The following KATNAL2 variants were observed in gnomAD, a reference collection of about 807,000 sequenced individuals.
KATNAL2 encodes the protein katanin catalytic subunit A1 like 2.
Under a neutral mutation model 76.3 loss-of-function variants are expected in KATNAL2, and 52 were observed. The observed-to-expected ratio is 0.68, with a 90% CI of 0.55 to 0.86. KATNAL2 has a LOEUF of 0.86. Ranked by LOEUF, KATNAL2 falls within the 40% of genes least tolerant of loss-of-function variation. The pLI, the probability that KATNAL2 is intolerant of heterozygous loss-of-function variation, is 0.00. For missense variants in KATNAL2, 660 were observed against 668.9 expected (o/e 0.99, Z 0.15); for synonymous variants, 243 against 244.2 (o/e 1.00, Z 0.05).
intron 3 of KATNAL2, among the ~76,000 whole-genome samples, chr18:47,031,844 C>G (rs1182848019): frequency 2.6e-5 from 4 of 152,112 alleles, no homozygotes; most frequent in Admixed American, 2.0e-4. Context: ...GCTTTCTTGT[C>G]TTCCTGAAAT....
intron 1 of KATNAL2, among the ~76,000 whole-genome samples, chr18:46,919,110 G>C (rs1035106861): frequency 1.3e-5 from 2 of 150,600 alleles, no homozygotes; most frequent in African/African-American, 4.9e-5. Context: ...CAGCACTTTA[G>C]GAAGCCGAGG....
chr18:46,942,651 T>G (rs981484111), intron 1 of KATNAL2, among the ~76,000 whole-genome samples: 6 of 152,116 alleles, frequency 3.9e-5, no homozygotes, highest in African/African-American at 1.4e-4. Flanking sequence ...TTCATTTTGT[T>G]CTATTATAAT....
At chr18:47,043,774 C>T (rs1426713650) in intron 3 of KATNAL2, among the ~76,000 whole-genome samples, 3 of 150,404 alleles carry the variant, frequency 2.0e-5, no homozygotes, top group African/African-American at 4.9e-5. Context: ...ATTAACAATA[C>T]GTATGTTGAA....
chr18:47,033,870 G>A (rs1375431199), intron 3 of KATNAL2: 1 of 1,613,860 alleles, frequency 6.2e-7, no homozygotes, highest in African/African-American at 1.3e-5. Context: ...AGGCCTCTGA[G>A]AGGTCCCAGA....
In KATNAL2 at chr18:46,930,200, T is replaced by C. The variant is rs556563142; in HGVS notation, c.-510+12274T>C. Among the ~76,000 whole-genome samples the C allele has an allele frequency of 2.6e-5, 4 of 152,354 alleles. No individual in the cohort carries two copies. In the South Asian group the frequency reaches 8.3e-4, roughly 32 times the overall value. On this transcript the variant is annotated intron_variant, in intron 1 of 17. Coordinates refer to ENST00000683218, the MANE Select transcript of KATNAL2 (RefSeq NM_001387690.1). ...AACATTTTCCTTAACCTTGAAATTA[T>C]TTGATAATATTGAATATCAGCCCTT...
At position 47,050,612 on chromosome 18, in the gene KATNAL2, A is replaced by G. The variant is rs141768152; in HGVS notation, c.123-2268A>G. ...TGTATCGTGAATCAATGAAAGTTCT[A>G]CTAGAACTGATCATTTTCCGAAACC... On this transcript the variant is annotated intron_variant, in intron 4 of 17. Coordinates refer to ENST00000683218, the MANE Select transcript of KATNAL2 (RefSeq NM_001387690.1). 1.8e-4 allele frequency among the ~76,000 whole-genome samples: 27 copies of G among 152,350 alleles called. No individual in the cohort carries two copies. The East Asian group carries it at 4.8e-3, about 27-fold the overall frequency.
rs1441011052 is a variant in KATNAL2, at chr18:46,922,969, G to C, written c.-510+5043G>C. 2.7e-5 allele frequency among the ~76,000 whole-genome samples: 4 copies of C among 146,606 alleles called. No individual in the cohort carries two copies. The East Asian group carries it at 5.9e-4, about 21-fold the overall frequency. ...ATAATATAGTTAAATCCTTAGATCT[G>C]AAGTAAACACTTCAGTCCATATAGA... On this transcript the variant is annotated intron_variant, in intron 1 of 17. Coordinates refer to ENST00000683218, the MANE Select transcript of KATNAL2 (RefSeq NM_001387690.1).
intron 3 of KATNAL2, among the ~76,000 whole-genome samples, chr18:47,043,002 C>A (rs750676930): frequency 1.3e-5 from 2 of 152,086 alleles, no homozygotes; most frequent in East Asian, 1.9e-4. Flanking sequence ...CCAAGGCGGG[C>A]GGATCACGAG....
chr18:47,056,133 G>A (rs1396167694), intron 6 of KATNAL2, among the ~76,000 whole-genome samples: 1 of 152,164 alleles, frequency 6.6e-6, no homozygotes, highest in Non-Finnish European at 1.5e-5. Context: ...TAATGTGATG[G>A]ATGACAGAAA....
intron 3 of KATNAL2, among the ~76,000 whole-genome samples, chr18:46,958,708 T>G (rs965299559): frequency 1.3e-5 from 2 of 152,238 alleles, no homozygotes; most frequent in African/African-American, 4.8e-5. Context: ...TTTCTTAACC[T>G]GAATGTAAGA....
intron 3 of KATNAL2, among the ~76,000 whole-genome samples, chr18:46,953,141 G>A (rs925405861): frequency 7.9e-5 from 12 of 151,886 alleles, no homozygotes; most frequent in Non-Finnish European, 1.3e-4. Flanking sequence ...TCATCTGCCC[G>A]CCTCAGCTTC....
At chr18:47,060,927 T>G (rs1375712904) in intron 8 of KATNAL2, among the ~76,000 whole-genome samples, 1 of 152,252 alleles carries the variant, frequency 6.6e-6, no homozygotes, top group Non-Finnish European at 1.5e-5. Flanking sequence ...TAAGTTTCTC[T>G]TGTGAATGCC....
At chr18:46,918,700 G>A (rs1200626994) in intron 1 of KATNAL2, among the ~76,000 whole-genome samples, 1 of 152,078 alleles carries the variant, frequency 6.6e-6, no homozygotes, top group East Asian at 1.9e-4. Context: ...GAGATTACAG[G>A]CGTGAGCCAC....
At chr18:47,034,098 G>A (rs766776711) in intron 3 of KATNAL2, 7 of 1,614,080 alleles carry the variant, frequency 4.3e-6, no homozygotes, top group Non-Finnish European at 5.9e-6. Flanking sequence ...GCAACTGATC[G>A]TAGGTGAGGT....
intron 1 of KATNAL2, among the ~76,000 whole-genome samples, chr18:46,935,197 AG>A (rs372998937): frequency 9.2e-5 from 14 of 152,322 alleles, no homozygotes; most frequent in African/African-American, 3.4e-4. Flanking sequence ...AATAGGTTTA[AG>A]AACCCAGTGT....
Position 47,101,276 on chromosome 18 carries a change from A to T in KATNAL2, c.*271A>T, listed in dbSNP as rs1176101151. ...GATTTTTCTGACAATTAGACTCCATAAAATTTTAATGAACAATTTTCTGTA... is the reference window on the plus strand; with the variant it reads ...GATTTTTCTGACAATTAGACTCCATTAAATTTTAATGAACAATTTTCTGTA... On this transcript the variant is annotated 3_prime_UTR_variant, in exon 18 of 18. Coordinates refer to ENST00000683218, the MANE Select transcript of KATNAL2 (RefSeq NM_001387690.1). 6.4e-6 allele frequency: 2 copies of T among 310,668 alleles called. No individual in the cohort carries two copies. The highest frequency in any genetic ancestry group is 8.5e-5 in the Admixed American group (2 of 23,498). 19.2% of individuals were successfully genotyped at this position (310,668 alleles called of 1,614,324 possible). A position where few individuals can be genotyped will look rare whatever the true frequency, so the allele number is the denominator to read the frequency against.
chr18:47,066,847 T>TGTATATATATA (rs2061812332), intron 10 of KATNAL2, among the ~76,000 whole-genome samples, 174 bp from the exon 11 acceptor site: 2 of 29,594 alleles, frequency 6.8e-5, no homozygotes. Context: ...ATATATGTGT[T>TGTATATATATA]TATATATATA....
At chr18:47,059,278 G>A (rs2061560833) in intron 7 of KATNAL2, among the ~76,000 whole-genome samples, 1 of 152,202 alleles carries the variant, frequency 6.6e-6, no homozygotes, top group East Asian at 1.9e-4. Flanking sequence ...ATGGGGATGG[G>A]TTGAGGCACA....
intron 1 of KATNAL2, chr18:46,920,028 A>G: frequency 1.6e-6 from 2 of 1,284,230 alleles, no homozygotes; most frequent in East Asian, 1.1e-4. Context: ...AAACAGTAAG[A>G]AAAGAAAAGC....
Sources: allele counts gnomAD v4.1 joint callset (sites outside exome capture counted in the v4.1 genomes callset), GRCh38; gene constraint gnomAD v4.1.1; transcripts MANE v1.5; gene names NCBI Gene and HGNC (gene_info 2026-07-23, HGNC 2026-07-21).